Variants in ATP1B3 observed in about 807,000 individuals in gnomAD.
ATP1B3 encodes sodium/potassium-transporting ATPase subunit beta-3.
ATP1B3 carries 10 observed loss-of-function variants against 30.2 expected under a neutral mutation model. That is an observed-to-expected ratio of 0.33 (90% CI 0.20 to 0.56). ATP1B3 has a LOEUF of 0.56. Ranked by LOEUF, ATP1B3 falls within the 20% of genes least tolerant of loss-of-function variation. ATP1B3 has a pLI of 0.90. For synonymous variants in ATP1B3, 113 were observed against 117.0 expected (o/e 0.97, Z 0.22); for missense variants, 238 against 336.7 (o/e 0.71, Z 2.29).
intron 1 of ATP1B3, among the ~76,000 whole-genome samples, chr3:141,897,732 CAG>C (rs1361796054): frequency 6.6e-6 from 1 of 152,052 alleles, no homozygotes; most frequent in Non-Finnish European, 1.5e-5. Context: ...TATTTTGAGA[CAG>C]AGTCTCACTC....
intron 5 of ATP1B3, among the ~76,000 whole-genome samples, chr3:141,920,768 T>G (rs938907834): frequency 6.6e-6 from 1 of 152,220 alleles, no homozygotes; most frequent in Non-Finnish European, 1.5e-5. Flanking sequence ...AGTACAAATG[T>G]AGGGTGGAGT....
At chr3:141,877,810 A>G (rs2107924489) in intron 1 of ATP1B3, among the ~76,000 whole-genome samples, 2 of 148,888 alleles carry the variant, frequency 1.3e-5, no homozygotes, top group Middle Eastern at 3.5e-3. Context: ...AATTGTATCA[A>G]TCTCTGAATG....
Position 141,923,400 on chromosome 3 carries a change from G to C in ATP1B3, c.669+1337G>C, listed in dbSNP as rs1934601409. On this transcript the variant is annotated intron_variant, in intron 6 of 6. Coordinates refer to ENST00000286371, the MANE Select transcript of ATP1B3 (RefSeq NM_001679.4). ...AGCATGCTCAGCCCCCTGGCCACGTGATGCCTTGCACCACCTCAGGACTCT... is the reference window on the plus strand; with the variant it reads ...AGCATGCTCAGCCCCCTGGCCACGTCATGCCTTGCACCACCTCAGGACTCT... Among the ~76,000 whole-genome samples the C allele has an allele frequency of 2.0e-5, 3 of 152,194 alleles. No individual in the cohort carries two copies. The South Asian group carries it at 6.2e-4, about 31-fold the overall frequency.
chr3:141,921,069 AT>A (rs993121929), intron 5 of ATP1B3, among the ~76,000 whole-genome samples: 254 of 152,150 alleles, frequency 1.7e-3, no homozygotes, highest in African/African-American at 5.8e-3. Flanking sequence ...TCTCAAAAAA[AT>A]TTTTTTATAT....
At chr3:141,886,394 A>C (rs1357478201) in intron 1 of ATP1B3, among the ~76,000 whole-genome samples, 1 of 152,236 alleles carries the variant, frequency 6.6e-6, no homozygotes, top group Non-Finnish European at 1.5e-5. Flanking sequence ...TGATATGCTC[A>C]GGTGGAAATA....
At chr3:141,917,908 C>T (rs1427801252) in intron 5 of ATP1B3, among the ~76,000 whole-genome samples, 1 of 151,802 alleles carries the variant, frequency 6.6e-6, no homozygotes, top group African/African-American at 2.4e-5. Flanking sequence ...ACTGGGACTA[C>T]AGGCGACCGC....
intron 4 of ATP1B3, among the ~76,000 whole-genome samples, 165 bp from the exon 5 acceptor site, chr3:141,915,805 A>T (rs1934452262): frequency 6.6e-6 from 1 of 152,178 alleles, no homozygotes; most frequent in African/African-American, 2.4e-5. Flanking sequence ...TATTTTATTT[A>T]AAAGTTCATT....
intron 5 of ATP1B3, chr3:141,918,478 T>C (rs1934507783): frequency 6.6e-6 from 1 of 151,910 alleles, no homozygotes; most frequent in South Asian, 2.1e-4. Flanking sequence ...GGAGTCTCTC[T>C]CTGTTGCCCA....
chr3:141,881,042 AAAGT>A (rs1933713245), intron 1 of ATP1B3, among the ~76,000 whole-genome samples: 3 of 152,164 alleles, frequency 2.0e-5, no homozygotes, highest in Non-Finnish European at 2.9e-5. Context: ...GTCTTTACTT[AAAGT>A]ACAAAAATTA....
chr3:141,889,603 C>T (rs1043815245), intron 1 of ATP1B3, among the ~76,000 whole-genome samples: 1 of 151,520 alleles, frequency 6.6e-6, no homozygotes, highest in Non-Finnish European at 1.5e-5. Context: ...TGGCAGGTGC[C>T]TGTAATCCCA....
intron 1 of ATP1B3, 39 bp downstream of exon 1, chr3:141,876,949 G>C (rs1933608014): frequency 6.7e-7 from 1 of 1,490,804 alleles, no homozygotes; most frequent in Admixed American, 2.2e-5. Flanking sequence ...GCCGGCCTCG[G>C]TCCCGGGGGC....
chr3:141,887,749 A>G (rs1389327539), intron 1 of ATP1B3, among the ~76,000 whole-genome samples: 1 of 152,268 alleles, frequency 6.6e-6, no homozygotes, highest in Non-Finnish European at 1.5e-5. Flanking sequence ...CTACAGATGT[A>G]CAAAATGTGA....
intron 1 of ATP1B3, chr3:141,902,007 C>T (rs909635934): frequency 1.7e-6 from 1 of 601,978 alleles, no homozygotes; most frequent in Non-Finnish European, 2.7e-6. Context: ...TTCCTGCAGA[C>T]ACCTAGATCT....
At chr3:141,882,103 G>A (rs1326316645) in intron 1 of ATP1B3, among the ~76,000 whole-genome samples, 1 of 152,078 alleles carries the variant, frequency 6.6e-6, no homozygotes, top group Non-Finnish European at 1.5e-5. Flanking sequence ...TAAACTAGTT[G>A]TATTAAAAGA....
chr3:141,886,354 TTC>T (rs1933834057), intron 1 of ATP1B3, among the ~76,000 whole-genome samples: 1 of 152,216 alleles, frequency 6.6e-6, no homozygotes, highest in Non-Finnish European at 1.5e-5. Flanking sequence ...CAGACCTAGC[TTC>T]AGTGCTGGCT....
chr3:141,877,826 T>C (rs1394199728), intron 1 of ATP1B3, among the ~76,000 whole-genome samples: 2 of 122,550 alleles, frequency 1.6e-5, no homozygotes, highest in Non-Finnish European at 3.3e-5. Context: ...GAATGCAGGC[T>C]AGAGCTTTTT....
At chr3:141,897,617 T>G (rs1165786077) in intron 1 of ATP1B3, among the ~76,000 whole-genome samples, 1 of 152,246 alleles carries the variant, frequency 6.6e-6, no homozygotes, top group African/African-American at 2.4e-5. Context: ...ATTACAATAA[T>G]TTTAATTATA....
At chr3:141,889,440 A>G (rs1933893826) in intron 1 of ATP1B3, among the ~76,000 whole-genome samples, 1 of 152,006 alleles carries the variant, frequency 6.6e-6, no homozygotes, top group East Asian at 1.9e-4. Flanking sequence ...TTATGAATAT[A>G]TTGTTCTGAG....
chr3:141,908,398 A>G lies in ATP1B3; in HGVS notation c.346+1124A>G, dbSNP rs117411917. Among the ~76,000 whole-genome samples, 351 of 152,202 alleles carry G rather than the reference A, an allele frequency of 2.3e-3. 5 individuals are homozygous for G. The East Asian group carries it at 0.03, about 13-fold the overall frequency. On this transcript the variant is annotated intron_variant, in intron 3 of 6. Coordinates refer to ENST00000286371, the MANE Select transcript of ATP1B3 (RefSeq NM_001679.4). ...TCTTCCTCAGCCACAGACACCTGCA[A>G]CTGCTCCCTAGAACATTACTTTATC...
Sources: gnomAD v4.1 joint callset for allele counts (sites outside exome capture counted in the v4.1 genomes callset) on GRCh38, gnomAD v4.1.1 for gene constraint, MANE v1.5 for transcripts, NCBI Gene and HGNC (gene_info 2026-07-23, HGNC 2026-07-21) for gene names.